SLC22A24: variants seen among roughly 807,000 people sequenced by gnomAD.
The protein encoded by SLC22A24 is steroid transmembrane transporter SLC22A24.
A neutral mutation model predicts 49.8 loss-of-function variants in SLC22A24; 53 were observed. The ratio of observed to expected loss-of-function variants is 1.06; its 90% CI spans 0.85 to 1.34. The LOEUF is 1.34. Ranked by LOEUF, SLC22A24 falls within the 40% of genes most tolerant of loss-of-function variation. The pLI, the probability that SLC22A24 is intolerant of heterozygous loss-of-function variation, is 0.00. For synonymous variants in SLC22A24, 302 were observed against 256.4 expected, an observed-to-expected ratio of 1.18 and a Z score of -1.70; for missense variants, 786 against 675.9, an observed-to-expected ratio of 1.16 and a Z score of -1.81.
chr11:63,123,905 G>C lies in SLC22A24; in HGVS notation c.507-4570C>G, dbSNP rs1337774348. Among the ~76,000 whole-genome samples the C allele has an allele frequency of 1.3e-5, 2 of 152,110 alleles. 1 individual carries two copies. Among genetic ancestry groups the C allele is most frequent in the South Asian group, 4.1e-4 (2 of 4,826 alleles). ...TAAATGGTCCTTGCTACTACTCAGTGGAGGAGTAAGTCTTTAAAAAGGTTT... is the reference window on the plus strand; with the variant it reads ...TAAATGGTCCTTGCTACTACTCAGTCGAGGAGTAAGTCTTTAAAAAGGTTT... On this transcript the variant is annotated intron_variant, in intron 2 of 9. Transcript: ENST00000612278.
Position 63,083,256 on chromosome 11 carries a change from GGTGTT to G in SLC22A24, c.1267_1271del (p.Asn423LeufsTer20). On this transcript the variant is annotated frameshift_variant, in exon 7 of 10. Coordinates refer to ENST00000612278, the MANE Select transcript of SLC22A24 (RefSeq NM_001136506.2). LOFTEE classifies it high-confidence loss of function. The stretch of plus-strand genomic sequence containing the variant: ...TGTCTCTCTCACCTTGGGGCAAAAA[GGTGTT>G]GACCAGAATGAAAAGTCCCACCGGG... The G allele has an allele frequency of 6.4e-7, 1 of 1,555,432 alleles. No individual in the cohort carries two copies. Among genetic ancestry groups the G allele is most frequent in the South Asian group, 1.2e-5 (1 of 84,222 alleles).
At chr11:63,123,892 G>A (rs1190780058) in intron 2 of SLC22A24, among the ~76,000 whole-genome samples, 1 of 152,042 alleles carries the variant, frequency 6.6e-6, no homozygotes. Flanking sequence ...AATGGTCCTT[G>A]CTACTACTCA....
At chr11:63,085,693 T>C (rs572656622) in intron 6 of SLC22A24, among the ~76,000 whole-genome samples, 1 of 152,324 alleles carries the variant, frequency 6.6e-6, no homozygotes, top group South Asian at 2.1e-4. Context: ...TCTGCAACCT[T>C]AACACATAGC....
intron 4 of SLC22A24, among the ~76,000 whole-genome samples, chr11:63,111,374 A>G (rs2087162839): frequency 6.6e-6 from 1 of 151,782 alleles, no homozygotes; most frequent in Non-Finnish European, 1.5e-5. Flanking sequence ...AAAATGAGTT[A>G]GGGAGGATTC....
intron 6 of SLC22A24, among the ~76,000 whole-genome samples, chr11:63,090,080 C>CAAAAAAAAAA (rs60285946): frequency 1.5e-4 from 10 of 64,686 alleles, no homozygotes; most frequent in Admixed American, 2.4e-4. Flanking sequence ...GACTCTGTCT[C>CAAAAAAAAAA]AAAAAAAAAA....
intron 6 of SLC22A24, among the ~76,000 whole-genome samples, chr11:63,088,396 A>AACATCAACATCAACATC (rs1565323297): frequency 0.013 from 219 of 16,318 alleles, no homozygotes; most frequent in African/African-American, 0.027. Context: ...ACATCAACAT[A>AACATCAACATCAACATC]AAGGACTCCA....
intron 1 of SLC22A24, among the ~76,000 whole-genome samples, chr11:63,135,658 CTT>C (rs1185990036): frequency 1.3e-5 from 2 of 152,074 alleles, no homozygotes; most frequent in South Asian, 2.1e-4. Context: ...TTGCTAATGA[CTT>C]ATTACTTGCT....
chr11:63,143,286 T>G (rs1397218034), intron 1 of SLC22A24, 92 bp downstream of exon 1: 2 of 1,144,992 alleles, frequency 1.7e-6, no homozygotes, highest in African/African-American at 3.2e-5. Flanking sequence ...AGGTCCCATC[T>G]AAGGACTAAA....
At chr11:63,134,552 C>T (rs2087359214) in intron 2 of SLC22A24, 113 bp downstream of exon 2, 1 of 628,092 alleles carries the variant, frequency 1.6e-6, no homozygotes. Context: ...AAAGAGAGAT[C>T]AGCACATAGC....
At chr11:63,110,040 G>T (rs1392175368) in intron 4 of SLC22A24, among the ~76,000 whole-genome samples, 1 of 152,034 alleles carries the variant, frequency 6.6e-6, no homozygotes, top group Non-Finnish European at 1.5e-5. Flanking sequence ...TGTAAGGTAG[G>T]GATCCAGTTT....
At chr11:63,084,938 A>AT (rs35160977) in intron 6 of SLC22A24, among the ~76,000 whole-genome samples, 1,741 of 146,570 alleles carry the variant, frequency 0.012, 18 homozygotes, top group African/African-American at 0.031. Flanking sequence ...AGAGGATGGG[A>AT]TTTTTTTTTT....
At chr11:63,113,488 G>A (rs1278834618) in intron 4 of SLC22A24, among the ~76,000 whole-genome samples, 1 of 151,832 alleles carries the variant, frequency 6.6e-6, no homozygotes, top group Non-Finnish European at 1.5e-5. Context: ...GTCTGTAAAG[G>A]ATTTTATTTC....
intron 6 of SLC22A24, among the ~76,000 whole-genome samples, chr11:63,087,445 G>A (rs117311387): frequency 1.0e-3 from 152 of 152,276 alleles, no homozygotes; most frequent in African/African-American, 2.8e-3. Flanking sequence ...AGATTCCCTC[G>A]TGTGCCTATA....
chr11:63,107,805 G>T (rs1341905376), intron 4 of SLC22A24, among the ~76,000 whole-genome samples: 4 of 152,128 alleles, frequency 2.6e-5, no homozygotes, highest in Admixed American at 2.6e-4. Flanking sequence ...CTTTGCTGAA[G>T]TTGCTTATCA....
At chr11:63,096,423 A>G (rs11231352) in intron 5 of SLC22A24, among the ~76,000 whole-genome samples, 18,061 of 152,214 alleles carry the variant, frequency 0.12, 1,194 homozygotes, top group Middle Eastern at 0.16. Flanking sequence ...TAAAGGTTAA[A>G]GGTTTCTTTC....
chr11:63,143,238 C>T, intron 1 of SLC22A24, 140 bp downstream of exon 1: 2 of 586,046 alleles, frequency 3.4e-6, no homozygotes, highest in Non-Finnish European at 2.6e-6. Context: ...TAATCAGGTG[C>T]TGCCACCTGC....
intron 4 of SLC22A24, among the ~76,000 whole-genome samples, chr11:63,109,175 C>T (rs186151156): frequency 0.013 from 2,005 of 149,570 alleles, 28 homozygotes; most frequent in Non-Finnish European, 0.02. Flanking sequence ...AGGACATGAA[C>T]TCATCATTTT....
intron 6 of SLC22A24, among the ~76,000 whole-genome samples, chr11:63,092,508 A>G: frequency 9.7e-5 from 1 of 10,324 alleles, no homozygotes; most frequent in Non-Finnish European, 8.2e-4. Context: ...CTATACTACA[A>G]GGCTACAGTA....
chr11:63,133,089 C>T (rs1443296166), intron 2 of SLC22A24, among the ~76,000 whole-genome samples: 1 of 152,172 alleles, frequency 6.6e-6, no homozygotes, highest in Non-Finnish European at 1.5e-5. Context: ...TAGCAGTGAG[C>T]AAGGCTCAGT....
Sources: gnomAD v4.1 joint callset for allele counts (sites outside exome capture counted in the v4.1 genomes callset) on GRCh38, gnomAD v4.1.1 for gene constraint, MANE v1.5 for transcripts, NCBI Gene and HGNC (gene_info 2026-07-23, HGNC 2026-07-21) for gene names.